PDE2A: variants seen among roughly 807,000 people sequenced by gnomAD.
PDE2A encodes the protein cGMP-dependent 3',5'-cyclic phosphodiesterase.
Under a neutral mutation model 133.6 loss-of-function variants are expected in PDE2A, and 53 were observed. The observed-to-expected ratio is 0.40, with a 90% CI of 0.32 to 0.50. PDE2A has a LOEUF of 0.50. PDE2A is among the 20% of genes least tolerant of loss of function. The pLI is 0.73. For missense variants in PDE2A, 796 were observed against 1,232.4 expected (o/e 0.65, Z 5.30); for synonymous variants, 491 against 490.2 (o/e 1.00, Z -0.02).
At chr11:72,665,249 T>C (rs749441713) in intron 1 of PDE2A, among the ~76,000 whole-genome samples, 1 of 152,082 alleles carries the variant, frequency 6.6e-6, no homozygotes, top group African/African-American at 2.4e-5. Flanking sequence ...AGAGCCCATG[T>C]TTGAGCCCCA....
intron 2 of PDE2A, among the ~76,000 whole-genome samples, chr11:72,627,653 T>C (rs1449473312): frequency 6.6e-6 from 1 of 151,904 alleles, no homozygotes; most frequent in African/African-American, 2.4e-5. Context: ...TGCCAAGGGG[T>C]GTGGTCTTTG....
chr11:72,581,206 T>C (rs1174205804), intron 23 of PDE2A, 151 bp downstream of exon 23: 9 of 806,108 alleles, frequency 1.1e-5, no homozygotes, highest in African/African-American at 1.7e-5. Flanking sequence ...TCCTGGAAGA[T>C]GGGGCTCACA....
chr11:72,650,881 A>C (rs1440975479), intron 1 of PDE2A, among the ~76,000 whole-genome samples: 1 of 46,884 alleles, frequency 2.1e-5, no homozygotes, highest in African/African-American at 1.7e-4. Flanking sequence ...CCCACTACAC[A>C]CACACACACA....
intron 2 of PDE2A, among the ~76,000 whole-genome samples, chr11:72,637,799 G>A (rs953651061): frequency 7.2e-5 from 11 of 152,232 alleles, no homozygotes; most frequent in African/African-American, 2.7e-4. Context: ...AAGGAAGAAG[G>A]TAGAGATGAG....
chr11:72,582,676 T>C (rs781714983), intron 20 of PDE2A, 110 bp from the exon 21 acceptor site: 1 of 1,093,450 alleles, frequency 9.1e-7, no homozygotes, highest in Non-Finnish European at 1.3e-6. Context: ...TGTACCACAG[T>C]TGGGCCACCA....
intron 11 of PDE2A, 110 bp from the exon 12 acceptor site, chr11:72,589,350 CA>C (rs1466135065): frequency 3.8e-6 from 3 of 798,820 alleles, no homozygotes; most frequent in Non-Finnish European, 6.4e-6. Flanking sequence ...TCAGTCAGTC[CA>C]AATGGTGGAC....
chr11:72,620,040 G>A (rs1177850337), intron 2 of PDE2A, among the ~76,000 whole-genome samples: 1 of 152,200 alleles, frequency 6.6e-6, no homozygotes, highest in Admixed American at 6.5e-5. Flanking sequence ...AAGGCTTGGT[G>A]AGGGAGAGTG....
chr11:72,674,146 G>A lies in PDE2A; in HGVS notation c.62C>T (p.Pro21Leu), dbSNP rs757190747. 7 of 1,613,102 alleles carry A rather than the reference G, an allele frequency of 4.3e-6. No individual in the cohort carries two copies. Among genetic ancestry groups the A allele is most frequent in the Non-Finnish European group, 5.1e-6 (6 of 1,179,796 alleles). Residue 21 changes from proline (P) to leucine (L), a missense_variant, in exon 1 of 31, where the codon CCG becomes CTG. Pro to Leu is a moderately conservative substitution (Grantham distance 98). Coordinates refer to ENST00000334456, the MANE Select transcript of PDE2A (RefSeq NM_002599.5). ...CRSQQYPAAR[P>L]AEPRGQQVFL... ...CCCTCACTATACTCACGGCTCAGCC[G>A]GTCGCGCTGCCGGGTACTGCTGGCT...
chr11:72,629,223 G>A (rs981375229), intron 2 of PDE2A, among the ~76,000 whole-genome samples: 4 of 152,126 alleles, frequency 2.6e-5, no homozygotes, highest in Non-Finnish European at 4.4e-5. Flanking sequence ...CGAGGCCGGT[G>A]GAGCTGGACA....
chr11:72,636,130 T>C, intron 2 of PDE2A: 1 of 1,202,662 alleles, frequency 8.3e-7, no homozygotes, highest in Non-Finnish European at 1.1e-6. Flanking sequence ...CCAGCCAGAG[T>C]ACAGGCTCTG....
chr11:72,623,577 G>C (rs188758697), intron 2 of PDE2A, among the ~76,000 whole-genome samples: 1 of 152,138 alleles, frequency 6.6e-6, no homozygotes, highest in Non-Finnish European at 1.5e-5. Flanking sequence ...TCACCTGGAT[G>C]CTTCCCTTAA....
chr11:72,579,673 G>T, intron 25 of PDE2A, 65 bp from the exon 26 acceptor site: 1 of 1,166,204 alleles, frequency 8.6e-7, no homozygotes, highest in Non-Finnish European at 1.3e-6. Flanking sequence ...TTGACCCCAA[G>T]AGAGGAAGCA....
chr11:72,635,951 C>G lies in PDE2A; in HGVS notation c.144+6303G>C, dbSNP rs562269617. The G allele has an allele frequency of 1.2e-4, 139 of 1,188,770 alleles. 3 individuals are homozygous for G. The South Asian group carries it at 1.9e-3, about 16-fold the overall frequency. The allele number at this position is 1,188,770 out of a possible 1,614,324, so 73.6% of individuals were successfully genotyped here. ...GCCACCCGACCTTCCCGCTCCCCCT[C>G]CACACCACGAGATCTCAGCCCCTCT... On this transcript the variant is annotated intron_variant, in intron 2 of 30. Transcript: ENST00000334456.
In PDE2A at chr11:72,588,863, G is replaced by A. The variant is rs1842880505; in HGVS notation, c.991C>T (p.Leu331Phe). 3 of 1,611,746 alleles carry A rather than the reference G, an allele frequency of 1.9e-6. No individual in the cohort carries two copies. Among genetic ancestry groups the A allele is most frequent in the East Asian group, 2.2e-5 (1 of 44,820 alleles). Residue 331 changes from leucine to phenylalanine, a missense_variant, in exon 13 of 31, where the codon CTC (leucine) becomes TTC (phenylalanine). By Grantham distance (22) the Leu-to-Phe change is conservative (BLOSUM62 0). Around this residue, in one of 7 missense-constraint regions of PDE2A, gnomAD observed 417 missense variants for 475.3 expected, o/e 0.88. Transcript: ENST00000334456. ...GCCCGGCTGATGACAGGGACACAGA[G>A]CATGGCCTGCAGCTCACAGCCCAAC... is the stretch of plus-strand genomic sequence containing the variant. The part of the protein sequence containing the change: ...SMLGCELQAM[L>F]CVPVISRATD...
At chr11:72,607,205 C>A (rs1051872732) in intron 3 of PDE2A, among the ~76,000 whole-genome samples, 2 of 152,214 alleles carry the variant, frequency 1.3e-5, no homozygotes, top group African/African-American at 2.4e-5. Flanking sequence ...GGAACCTGGA[C>A]CACAGCTGTC....
chr11:72,664,442 C>T lies in PDE2A; in HGVS notation c.71+9695G>A, dbSNP rs186718086. Among the ~76,000 whole-genome samples, 3 of 133,688 alleles carry T rather than the reference C, an allele frequency of 2.2e-5. No homozygotes were observed. The Admixed American group carries it at 2.5e-4, about 11-fold the overall frequency. The allele number at this position is 133,688 out of a possible 152,430, so 87.7% of individuals were successfully genotyped here. A position where few individuals can be genotyped will look rare whatever the true frequency, so the allele number is the denominator to read the frequency against. On this transcript the variant is annotated intron_variant, in intron 1 of 30. Transcript: ENST00000334456. ...AGGCTGGAGTGCAGTGGCACAATCT[C>T]GGCTCACTGCAAGCTCCGCCTCCTG...
At chr11:72,630,130 C>T (rs1028106335) in intron 2 of PDE2A, among the ~76,000 whole-genome samples, 7 of 152,046 alleles carry the variant, frequency 4.6e-5, no homozygotes, top group Non-Finnish European at 7.4e-5. Context: ...AAGGCATGGT[C>T]GGGGGGTGGG....
At chr11:72,598,325 A>G (rs1856579843) in intron 4 of PDE2A, among the ~76,000 whole-genome samples, 1 of 152,072 alleles carries the variant, frequency 6.6e-6, no homozygotes, top group Non-Finnish European at 1.5e-5. Context: ...CTTCCCAAAT[A>G]CCTGTGGAGG....
intron 19 of PDE2A, 176 bp from the exon 20 acceptor site, chr11:72,583,691 C>CT: frequency 2.2e-6 from 1 of 453,054 alleles, no homozygotes; most frequent in South Asian, 2.2e-5. Context: ...TTCATCCAGA[C>CT]CCCGCGCCGG....
Sources: gnomAD v4.1 joint callset for allele counts (sites outside exome capture counted in the v4.1 genomes callset) on GRCh38, gnomAD v4.1.1 for gene constraint, gnomAD v4.1.1 regional missense constraint, MANE v1.5 for transcripts, NCBI Gene and HGNC (gene_info 2026-07-23, HGNC 2026-07-21) for gene names.